KCNJ6: variants seen among roughly 807,000 people sequenced by gnomAD.
KCNJ6 encodes potassium inwardly rectifying channel subfamily J member 6.
KCNJ6 carries 9 observed loss-of-function variants against 34.2 expected under a neutral mutation model. The ratio of observed to expected loss-of-function variants is 0.26; its 90% CI spans 0.16 to 0.46. The LOEUF is 0.46. Among genes scored for constraint, KCNJ6 ranks in the 20% least tolerant of loss-of-function variants. The pLI, the probability that KCNJ6 is intolerant of heterozygous loss-of-function variation, is 1.00. For synonymous variants in KCNJ6, 196 were observed against 207.1 expected (o/e 0.95, Z 0.46); for missense variants, 236 against 531.3 (o/e 0.44, Z 5.46).
intron 3 of KCNJ6, among the ~76,000 whole-genome samples, chr21:37,686,119 G>A (rs1198744337): frequency 6.6e-6 from 1 of 152,124 alleles, no homozygotes. Context: ...CCATTTGAAT[G>A]TCTTATCCTG....
rs34826537 is a variant in KCNJ6 at position 37,607,463 on chromosome 21, GATATAT to G, written c.*17690_*17695del. 3.1e-5 allele frequency: 4 copies of G among 128,730 alleles called. No individual in the cohort carries two copies. The highest frequency in any genetic ancestry group is 6.4e-5 in the Non-Finnish European group (4 of 62,278). The allele number at this position is 128,730 out of a possible 1,614,324, so 8.0% of individuals were successfully genotyped here. ...TTCCCTAACACAGCGAGTTCTTAAA[GATATAT>G]ATATATATATATATTTTTTTTTTAT... On this transcript the variant is annotated 3_prime_UTR_variant, in exon 4 of 4. Transcript: ENST00000609713.
intron 1 of KCNJ6, among the ~76,000 whole-genome samples, chr21:37,868,337 T>C (rs561606719): frequency 6.6e-6 from 1 of 152,368 alleles, no homozygotes; most frequent in South Asian, 2.1e-4. Flanking sequence ...TTTTTAAAAA[T>C]TCTCCAGAAA....
chr21:37,836,583 T>C (rs2055452806), intron 2 of KCNJ6, among the ~76,000 whole-genome samples: 1 of 152,170 alleles, frequency 6.6e-6, no homozygotes, highest in South Asian at 2.1e-4. Context: ...GTTCACGTCC[T>C]TTGCAGGGAC....
At chr21:37,840,439 G>T (rs1031026405) in intron 2 of KCNJ6, among the ~76,000 whole-genome samples, 36 of 152,124 alleles carry the variant, frequency 2.4e-4, no homozygotes, top group African/African-American at 8.7e-4. Flanking sequence ...TCCATACTGT[G>T]GGTAACAGCT....
chr21:37,656,427 C>T (rs577832406), intron 3 of KCNJ6, among the ~76,000 whole-genome samples: 1 of 152,304 alleles, frequency 6.6e-6, no homozygotes, highest in Non-Finnish European at 1.5e-5. Context: ...GCTGCAGACC[C>T]AGGCTGAGTC....
intron 2 of KCNJ6, among the ~76,000 whole-genome samples, chr21:37,830,417 C>T (rs990113231): frequency 1.3e-5 from 2 of 152,160 alleles, no homozygotes; most frequent in African/African-American, 2.4e-5. Context: ...TGATTTTCAA[C>T]TACTCCCCTG....
intron 2 of KCNJ6, among the ~76,000 whole-genome samples, chr21:37,769,527 C>T (rs561208398): frequency 4.0e-5 from 6 of 151,774 alleles, no homozygotes; most frequent in East Asian, 3.9e-4. Context: ...CTGGATGCAA[C>T]GGCTGCTAGG....
intron 1 of KCNJ6, among the ~76,000 whole-genome samples, chr21:37,866,744 C>A (rs1051411552): frequency 2.6e-5 from 4 of 152,132 alleles, no homozygotes; most frequent in Admixed American, 1.3e-4. Flanking sequence ...GTCAAGAGGA[C>A]CATGTCTCTT....
intron 3 of KCNJ6, among the ~76,000 whole-genome samples, chr21:37,713,155 T>G (rs1379765145): frequency 6.6e-6 from 1 of 152,106 alleles, no homozygotes; most frequent in East Asian, 1.9e-4. Context: ...GGCTTTTCCC[T>G]AAAAGGGATC....
chr21:37,680,060 G>A (rs1039800663), intron 3 of KCNJ6, among the ~76,000 whole-genome samples: 2 of 152,122 alleles, frequency 1.3e-5, no homozygotes, highest in African/African-American at 4.8e-5. Context: ...AGCAAATCAT[G>A]CCTTTTTTCC....
Position 37,763,161 on chromosome 21 carries a change from C to T in KCNJ6, c.26-48030G>A, listed in dbSNP as rs76154112. ...GGAGAGTACAAGGCAAGTCACCACCCGCTCCCAGCTGTGTGCCTTTCCTGG... is the reference window on the plus strand; with the variant it reads ...GGAGAGTACAAGGCAAGTCACCACCTGCTCCCAGCTGTGTGCCTTTCCTGG... On this transcript the variant is annotated intron_variant, in intron 2 of 3. Coordinates refer to ENST00000609713, the MANE Select transcript of KCNJ6 (RefSeq NM_002240.5). 5.8e-4 allele frequency among the ~76,000 whole-genome samples: 88 copies of T among 152,270 alleles called. 1 individual carries two copies. In the East Asian group the frequency reaches 0.016, roughly 28 times the overall value.
intron 1 of KCNJ6, among the ~76,000 whole-genome samples, chr21:37,886,939 T>G (rs1003049678): frequency 6.6e-6 from 1 of 151,886 alleles, no homozygotes; most frequent in African/African-American, 2.4e-5. Context: ...CTTGTTTTTT[T>G]TTTTTTTTTT....
At chr21:37,711,572 T>C (rs1475650187) in intron 3 of KCNJ6, among the ~76,000 whole-genome samples, 1 of 152,236 alleles carries the variant, frequency 6.6e-6, no homozygotes. Context: ...AGTGTGCATT[T>C]GGTCCACATT....
intron 2 of KCNJ6, among the ~76,000 whole-genome samples, chr21:37,803,452 T>C (rs1191603266): frequency 6.6e-6 from 1 of 152,220 alleles, no homozygotes; most frequent in Non-Finnish European, 1.5e-5. Context: ...AGATTCATGG[T>C]ATATAGTGAG....
In KCNJ6 at chr21:37,608,024, T is replaced by C. The variant is rs2054230246; in HGVS notation, c.*17135A>G. ...GCTTGACAGTTGTGTAAAGACCTTT[T>C]GGTTTTGTCCAGTGAAAATTATTTT... On this transcript the variant is annotated 3_prime_UTR_variant, in exon 4 of 4. Coordinates refer to ENST00000609713, the MANE Select transcript of KCNJ6 (RefSeq NM_002240.5). The C allele has an allele frequency of 6.6e-6, 1 of 152,216 alleles. No individual in the cohort carries two copies. Among genetic ancestry groups the C allele is most frequent in the African/African-American group, 2.4e-5 (1 of 41,454 alleles). The allele number at this position is 152,216 out of a possible 1,614,324, so 9.4% of individuals were successfully genotyped here. A position where few individuals can be genotyped will look rare whatever the true frequency, so the allele number is the denominator to read the frequency against.
At chr21:37,866,860 A>G (rs533916306) in intron 1 of KCNJ6, among the ~76,000 whole-genome samples, 1 of 152,242 alleles carries the variant, frequency 6.6e-6, no homozygotes, top group Non-Finnish European at 1.5e-5. Context: ...GATGTCTTCA[A>G]TACAAAACTA....
At chr21:37,806,955 TG>T (rs1480280797) in intron 2 of KCNJ6, among the ~76,000 whole-genome samples, 1 of 152,246 alleles carries the variant, frequency 6.6e-6, no homozygotes, top group Non-Finnish European at 1.5e-5. Context: ...TTTATTATTT[TG>T]GGAGTAGTAA....
In KCNJ6 at chr21:37,616,587, G is replaced by A. The variant is rs867949146; in HGVS notation, c.*8572C>T. 1.5e-3 allele frequency: 27 copies of A among 18,302 alleles called. No individual in the cohort carries two copies. The highest frequency in any genetic ancestry group is 4.1e-3 in the African/African-American group (12 of 2,934). 1.1% of individuals were successfully genotyped at this position (18,302 alleles called of 1,614,324 possible). On this transcript the variant is annotated 3_prime_UTR_variant, in exon 4 of 4. Transcript: ENST00000609713. ...GGCAATTATGAAGCAGGAACAAAATGTACATATATATATATATATATATAT... is the reference window on the plus strand; with the variant it reads ...GGCAATTATGAAGCAGGAACAAAATATACATATATATATATATATATATAT...
chr21:37,775,972 C>A (rs1279548360), intron 2 of KCNJ6, among the ~76,000 whole-genome samples: 1 of 152,082 alleles, frequency 6.6e-6, no homozygotes, highest in African/African-American at 2.4e-5. Flanking sequence ...ATTGATTTTT[C>A]CTACCCATGA....
Sources: allele counts gnomAD v4.1 joint callset (sites outside exome capture counted in the v4.1 genomes callset), GRCh38; gene constraint gnomAD v4.1.1; transcripts MANE v1.5; gene names NCBI Gene and HGNC (gene_info 2026-07-23, HGNC 2026-07-21).